The following NYAP2 variants were observed in gnomAD, a reference collection of about 807,000 sequenced individuals.
NYAP2 encodes neuronal tyrosine-phosphorylated phosphoinositide-3-kinase adaptor 2.
In NYAP2, 23 loss-of-function variants were observed where a neutral mutation model predicts 50.4. The ratio of observed to expected loss-of-function variants is 0.46; its 90% confidence interval spans 0.33 to 0.65. NYAP2 has a LOEUF of 0.65. Among genes scored for constraint, NYAP2 ranks in the 30% least tolerant of loss-of-function variants. The probability of loss-of-function intolerance (pLI) is 0.02; values close to 1 mark genes in which losing one functional copy is unlikely to be tolerated. For missense variants in NYAP2, 885 were observed against 861.0 expected, an observed-to-expected ratio of 1.03 and a Z score of -0.35; for synonymous variants, 394 against 365.2, an observed-to-expected ratio of 1.08 and a Z score of -0.90.
chr2:225,609,096 C>A (rs1692837512), intron 5 of NYAP2, among the ~76,000 whole-genome samples: 1 of 152,098 alleles, frequency 6.6e-6, no homozygotes, highest in Admixed American at 6.6e-5. Context: ...GACTCCCAGT[C>A]CCTGTAAGAT....
intron 5 of NYAP2, among the ~76,000 whole-genome samples, chr2:225,584,819 C>A (rs2106231718): frequency 6.6e-6 from 1 of 152,264 alleles, no homozygotes; most frequent in East Asian, 1.9e-4. Flanking sequence ...GAGTTATATG[C>A]TTGCATATGT....
At chr2:225,517,077 A>T (rs2106188069) in intron 4 of NYAP2, among the ~76,000 whole-genome samples, 1 of 152,276 alleles carries the variant, frequency 6.6e-6, no homozygotes, top group East Asian at 1.9e-4. Context: ...AACAAAAAAA[A>T]ATCACATACC....
intron 4 of NYAP2, among the ~76,000 whole-genome samples, chr2:225,578,952 G>C (rs1692218062): frequency 6.6e-6 from 1 of 152,104 alleles, no homozygotes; most frequent in Non-Finnish European, 1.5e-5. Context: ...AGCATGGTCG[G>C]TTTCTGATGA....
intron 5 of NYAP2, among the ~76,000 whole-genome samples, chr2:225,619,225 C>A (rs756197311): frequency 6.6e-6 from 1 of 152,172 alleles, no homozygotes; most frequent in Non-Finnish European, 1.5e-5. Flanking sequence ...GGAACCTTGA[C>A]TAAGGTTAAG....
chr2:225,422,371 CTAAG>C (rs1199779061), intron 3 of NYAP2, among the ~76,000 whole-genome samples: 2 of 152,170 alleles, frequency 1.3e-5, no homozygotes, highest in Non-Finnish European at 2.9e-5. Flanking sequence ...AAATTGTTCT[CTAAG>C]TGTCAGTCGG....
chr2:225,565,244 CACTT>C (rs1411073854), intron 4 of NYAP2, among the ~76,000 whole-genome samples: 1 of 152,092 alleles, frequency 6.6e-6, no homozygotes, highest in Non-Finnish European at 1.5e-5. Context: ...AATTAAAACT[CACTT>C]AAGGGAAATC....
intron 3 of NYAP2, among the ~76,000 whole-genome samples, chr2:225,475,842 G>A (rs1690095352): frequency 6.6e-6 from 1 of 152,144 alleles, no homozygotes; most frequent in East Asian, 1.9e-4. Flanking sequence ...TATTTATTTA[G>A]AATATTCTCT....
At chr2:225,698,543 G>A in the NYAP2 span, 11,464 of 152,398 alleles carry the variant, frequency 0.075, 496 homozygotes, top group East Asian at 0.24. Context: ...ACTGCCATAT[G>A]AGTGTGTGCA....
At chr2:225,700,756 T>C in the NYAP2 span, 1 of 151,802 alleles carries the variant, frequency 6.6e-6, no homozygotes, top group Non-Finnish European at 1.5e-5. Flanking sequence ...TTAGGGAACA[T>C]CTTTCTGTGG....
chr2:225,567,383 CATT>C (rs1691980595), intron 4 of NYAP2, among the ~76,000 whole-genome samples: 1 of 151,978 alleles, frequency 6.6e-6, no homozygotes, highest in African/African-American at 2.4e-5. Context: ...AACTTTGAAT[CATT>C]ATACACTTAT....
chr2:225,698,915 TATTA>T, the NYAP2 span: 1 of 151,966 alleles, frequency 6.6e-6, no homozygotes, highest in Non-Finnish European at 1.5e-5. Flanking sequence ...TGCCTTTTAT[TATTA>T]ATTTTTGCAT....
intron 4 of NYAP2, among the ~76,000 whole-genome samples, chr2:225,567,229 A>T (rs1179446197): frequency 3.3e-5 from 5 of 152,170 alleles, no homozygotes; most frequent in African/African-American, 1.2e-4. Flanking sequence ...ATATGGTATT[A>T]TAATCTTATG....
intron 3 of NYAP2, among the ~76,000 whole-genome samples, chr2:225,478,864 T>G (rs531423727): frequency 1.3e-4 from 20 of 152,272 alleles, no homozygotes; most frequent in African/African-American, 4.6e-4. Context: ...GTATCACCTA[T>G]TAGTATAGGA....
intron 3 of NYAP2, among the ~76,000 whole-genome samples, chr2:225,453,986 T>C (rs1315950845): frequency 6.6e-6 from 1 of 151,946 alleles, no homozygotes; most frequent in Non-Finnish European, 1.5e-5. Flanking sequence ...CATCTATTAA[T>C]TTTTTTATAG....
intron 4 of NYAP2, among the ~76,000 whole-genome samples, chr2:225,534,324 C>A (rs1443301267): frequency 6.6e-6 from 1 of 152,166 alleles, no homozygotes; most frequent in Non-Finnish European, 1.5e-5. Flanking sequence ...CAGCAGGGGC[C>A]AATGTAGGCA....
chr2:225,428,635 T>C (rs1695320321), intron 3 of NYAP2, among the ~76,000 whole-genome samples: 1 of 152,222 alleles, frequency 6.6e-6, no homozygotes, highest in African/African-American at 2.4e-5. Context: ...TACTACTCTA[T>C]CCATTCATTT....
At chr2:225,579,811 C>T (rs1692240315) in intron 4 of NYAP2, among the ~76,000 whole-genome samples, 2 of 152,202 alleles carry the variant, frequency 1.3e-5, no homozygotes, top group Admixed American at 1.3e-4. Flanking sequence ...CCTGTTATTT[C>T]TCTCCATAAT....
intron 4 of NYAP2, among the ~76,000 whole-genome samples, chr2:225,579,314 C>A (rs1692228649): frequency 6.6e-6 from 1 of 152,146 alleles, no homozygotes; most frequent in African/African-American, 2.4e-5. Flanking sequence ...CTCTGATAAT[C>A]TCACAGGCAC....
chr2:225,549,328 T>A (rs1272610727), intron 4 of NYAP2, among the ~76,000 whole-genome samples: 2 of 152,242 alleles, frequency 1.3e-5, no homozygotes, highest in Admixed American at 6.5e-5. Context: ...TGTTTCCAAC[T>A]CTAAACAGTG....
Sources: allele counts gnomAD v4.1 joint callset (sites outside exome capture counted in the v4.1 genomes callset), GRCh38; gene constraint gnomAD v4.1.1; transcripts MANE v1.5; gene names NCBI Gene and HGNC (gene_info 2026-07-23, HGNC 2026-07-21).